The following ELMO1 variants were observed in gnomAD, a reference collection of about 807,000 sequenced individuals.
The protein encoded by ELMO1 is engulfment and cell motility 1.
A neutral mutation model predicts 98.9 loss-of-function variants in ELMO1; 26 were observed. The observed-to-expected ratio is 0.26, with a 90% CI of 0.19 to 0.36. The LOEUF is 0.36. Among genes scored for constraint, ELMO1 ranks in the 10% least tolerant of loss-of-function variants. The pLI, the probability that ELMO1 is intolerant of heterozygous loss-of-function variation, is 1.00. For missense variants in ELMO1, 627 were observed against 935.2 expected, an observed-to-expected ratio of 0.67 and a Z score of 4.30; for synonymous variants, 346 against 346.0, an observed-to-expected ratio of 1.00 and a Z score of 0.00.
chr7:36,942,813 A>T (rs529234550), intron 16 of ELMO1, among the ~76,000 whole-genome samples: 1 of 152,324 alleles, frequency 6.6e-6, no homozygotes, highest in East Asian at 1.9e-4. Flanking sequence ...ACTTATAATG[A>T]ACACTTCCCA....
At chr7:37,060,045 G>A (rs1191960067) in intron 15 of ELMO1, among the ~76,000 whole-genome samples, 1 of 152,166 alleles carries the variant, frequency 6.6e-6, no homozygotes, top group Non-Finnish European at 1.5e-5. Context: ...CTTTGTTAGG[G>A]ACTTTCATAT....
Position 37,117,132 on chromosome 7 carries a change from C to T in ELMO1, c.1191+15998G>A, listed in dbSNP as rs73335586. 6.1e-3 allele frequency: 1,261 copies of T among 207,684 alleles called. 14 individuals are homozygous for T. The highest frequency in any genetic ancestry group is 0.028 in the African/African-American group (1,196 of 43,400). 12.9% of individuals were successfully genotyped at this position (207,684 alleles called of 1,614,324 possible). On this transcript the variant is annotated intron_variant, in intron 14 of 21. Coordinates refer to ENST00000310758, the MANE Select transcript of ELMO1 (RefSeq NM_014800.11). ...GGGCTTTCACAGACTGTCCAACCTG[C>T]GGGTCACTCAGCCTACAGTTGGGAT... is the stretch of plus-strand genomic sequence containing the variant.
chr7:36,974,086 G>C (rs144000555), intron 16 of ELMO1, among the ~76,000 whole-genome samples: 2 of 152,226 alleles, frequency 1.3e-5, no homozygotes, highest in African/African-American at 2.4e-5. Context: ...GTTCCACTGC[G>C]CCCAGTCCCA....
chr7:36,877,114 C>T (rs758110013), intron 19 of ELMO1, among the ~76,000 whole-genome samples: 18 of 152,094 alleles, frequency 1.2e-4, no homozygotes, highest in Non-Finnish European at 1.9e-4. Flanking sequence ...TTCCATGGGC[C>T]CCAGGGTAAC....
At chr7:37,292,782 AGG>A (rs1797794916) in intron 4 of ELMO1, among the ~76,000 whole-genome samples, 1 of 88,400 alleles carries the variant, frequency 1.1e-5, no homozygotes, top group Non-Finnish European at 2.4e-5. Context: ...TCTGGGAGGG[AGG>A]GAGGTGGGGG....
Position 36,914,061 on chromosome 7 carries a change from CAGCTAGGT to C in ELMO1, c.1438-19052_1438-19045del, listed in dbSNP as rs559923012. Among the ~76,000 whole-genome samples, 49 of 152,308 alleles carry C rather than the reference CAGCTAGGT, an allele frequency of 3.2e-4. 1 individual carries two copies. The South Asian group carries it at 0.01, about 32-fold the overall frequency. On this transcript the variant is annotated intron_variant, in intron 16 of 21. Coordinates refer to ENST00000310758, the MANE Select transcript of ELMO1 (RefSeq NM_014800.11). ...GGCTTTGACTGAAACTGGCCAGTGGCAGCTAGGTACAGGAAGCTATCTTGAAAGGAGAG... is the reference window on the plus strand; with the variant it reads ...GGCTTTGACTGAAACTGGCCAGTGGCACAGGAAGCTATCTTGAAAGGAGAG...
At chr7:37,311,762 A>G (rs572414801) in intron 4 of ELMO1, among the ~76,000 whole-genome samples, 21 of 152,288 alleles carry the variant, frequency 1.4e-4, no homozygotes, top group African/African-American at 4.8e-4. Context: ...GAACTACGAT[A>G]GGGAAGATGA....
chr7:37,347,515 GTATTCT>G (rs58743122), intron 1 of ELMO1, among the ~76,000 whole-genome samples: 140,690 of 150,818 alleles, frequency 0.93, 65,682 homozygotes, highest in Non-Finnish European at 0.96. Flanking sequence ...TATTCTTATG[GTATTCT>G]TATTCTTATT....
rs369393197 is a variant in ELMO1 at position 37,057,611 on chromosome 7, C to T, written c.1300+39008G>A. ...AGAAGCTTTATCCACTTCAGTAACA[C>T]CACCTTAGCCCAGCAAATTCAGAGC... On this transcript the variant is annotated intron_variant, in intron 15 of 21. Coordinates refer to ENST00000310758, the MANE Select transcript of ELMO1 (RefSeq NM_014800.11). Among the ~76,000 whole-genome samples, 8 of 152,316 alleles carry T rather than the reference C, an allele frequency of 5.3e-5. No individual in the cohort carries two copies. In the South Asian group the frequency reaches 1.4e-3, roughly 28 times the overall value.
At chr7:37,438,597 CT>C (rs1376928235) in intron 1 of ELMO1, among the ~76,000 whole-genome samples, 7 of 28,094 alleles carry the variant, frequency 2.5e-4, no homozygotes, top group African/African-American at 8.4e-4. Flanking sequence ...GAGACTCTGT[CT>C]CAAAAAAAAA....
intron 19 of ELMO1, among the ~76,000 whole-genome samples, chr7:36,876,287 TC>T (rs1310238674): frequency 6.6e-6 from 1 of 152,174 alleles, no homozygotes; most frequent in African/African-American, 2.4e-5. Context: ...GAAGGGACTG[TC>T]TTTTATCTAA....
At chr7:36,866,925 A>T (rs2129037556) in intron 20 of ELMO1, among the ~76,000 whole-genome samples, 1 of 152,300 alleles carries the variant, frequency 6.6e-6, no homozygotes, top group Admixed American at 6.5e-5. Context: ...TTCAGCAGGT[A>T]AAATCGTGGC....
intron 15 of ELMO1, among the ~76,000 whole-genome samples, chr7:37,081,093 A>G (rs1797843873): frequency 6.6e-6 from 1 of 152,216 alleles, no homozygotes; most frequent in Non-Finnish European, 1.5e-5. Flanking sequence ...TAGTAGTCAG[A>G]TTATTTCACT....
At chr7:36,923,909 T>G (rs1056943890) in intron 16 of ELMO1, among the ~76,000 whole-genome samples, 1 of 152,090 alleles carries the variant, frequency 6.6e-6, no homozygotes, top group Non-Finnish European at 1.5e-5. Flanking sequence ...TCTAGAAAAC[T>G]GAAAGTGGTT....
intron 16 of ELMO1, among the ~76,000 whole-genome samples, chr7:36,954,151 C>G (rs1788243215): frequency 1.3e-5 from 2 of 151,982 alleles, no homozygotes; most frequent in Non-Finnish European, 2.9e-5. Flanking sequence ...GACAGCAGAC[C>G]CCACACAGCA....
intron 16 of ELMO1, among the ~76,000 whole-genome samples, chr7:36,895,549 G>A (rs974180761): frequency 1.3e-5 from 2 of 152,120 alleles, no homozygotes; most frequent in Non-Finnish European, 2.9e-5. Flanking sequence ...TACGCATTTG[G>A]AAATGTACAT....
Position 37,092,366 on chromosome 7 carries a change from CTTTTTTTTTTTTTTT to C in ELMO1, c.1300+4238_1300+4252del, listed in dbSNP as rs537388417. On this transcript the variant is annotated intron_variant, in intron 15 of 21. Transcript: ENST00000310758. ...ACTTGCAAAAAAAATTACCCATATT[CTTTTTTTTTTTTTTT>C]TTTTTTTTTTTTTTGGAGACAGAGT... Among the ~76,000 whole-genome samples, 24 of 68,916 alleles carry C rather than the reference CTTTTTTTTTTTTTTT, an allele frequency of 3.5e-4. No homozygotes were observed. The South Asian group carries it at 4.7e-3, about 13-fold the overall frequency. 45.2% of individuals were successfully genotyped at this position (68,916 alleles called of 152,430 possible).
intron 16 of ELMO1, among the ~76,000 whole-genome samples, chr7:36,989,557 GA>G (rs148152708): frequency 0.05 from 7,623 of 152,258 alleles, 287 homozygotes; most frequent in Middle Eastern, 0.16. Context: ...ATATAAAATG[GA>G]AAAAGGCAGT....
intron 5 of ELMO1, among the ~76,000 whole-genome samples, chr7:37,267,453 T>G (rs881263): frequency 6.6e-6 from 1 of 152,000 alleles, no homozygotes; most frequent in African/African-American, 2.4e-5. Flanking sequence ...CGCGCACGCG[T>G]GTGTGTGTGT....
Sources: allele counts gnomAD v4.1 joint callset (sites outside exome capture counted in the v4.1 genomes callset), GRCh38; gene constraint gnomAD v4.1.1; transcripts MANE v1.5; gene names NCBI Gene and HGNC (gene_info 2026-07-23, HGNC 2026-07-21).